Variants in OPHN1 observed in about 807,000 individuals in gnomAD.
OPHN1 encodes the protein oligophrenin-1.
Under a neutral mutation model 60.7 loss-of-function variants are expected in OPHN1, and 11 were observed. The ratio of observed to expected loss-of-function variants is 0.18; its 90% confidence interval spans 0.11 to 0.30. The LOEUF (loss-of-function observed/expected upper bound fraction) is 0.30. Ranked by LOEUF, OPHN1 falls within the 10% of genes least tolerant of loss-of-function variation. The pLI, the probability that OPHN1 is intolerant of heterozygous loss-of-function variation, is 1.00. For synonymous variants in OPHN1, 226 were observed against 222.6 expected (o/e 1.02, Z -0.14); for missense variants, 449 against 611.0 (o/e 0.73, Z 2.80).
rs1298395117 is a variant in OPHN1, at chrX:68,265,580, A to T, written c.384+9158T>A. Among the ~76,000 whole-genome samples the T allele has an allele frequency of 5.4e-5, 6 of 111,560 alleles. No homozygotes were observed. The Admixed American group carries it at 5.7e-4, about 11-fold the overall frequency. ...AGATAAAACCACAAAGATGGGGAAA[A>T]AACAGAGAAGAAAAACTGGAAACTC... On this transcript the variant is annotated intron_variant, in intron 5 of 24. Transcript: ENST00000355520.
intron 2 of OPHN1, among the ~76,000 whole-genome samples, chrX:68,359,040 G>A (rs1437494614): frequency 7.1e-5 from 8 of 111,959 alleles, no homozygotes; most frequent in East Asian, 2.8e-4. Flanking sequence ...AAGAGCCAGT[G>A]TGGCTAGGAT....
intron 9 of OPHN1, among the ~76,000 whole-genome samples, chrX:68,208,862 T>A (rs1174498171): frequency 8.9e-6 from 1 of 111,824 alleles, no homozygotes. Context: ...TATACTATAA[T>A]ACACAGGACC....
chrX:68,106,015 TA>T (rs200836157), intron 18 of OPHN1, among the ~76,000 whole-genome samples: 9 of 100,335 alleles, frequency 9.0e-5, no homozygotes, highest in Admixed American at 4.4e-4. Context: ...CTCATTTTGG[TA>T]AAAAAAAATG....
chrX:68,064,640 C>A (rs2076906507), intron 20 of OPHN1, among the ~76,000 whole-genome samples: 1 of 111,965 alleles, frequency 8.9e-6, no homozygotes, highest in Non-Finnish European at 1.9e-5. Flanking sequence ...AAGGAAACCT[C>A]CAACTGTTCT....
chrX:68,059,598 C>T (rs1312638100), intron 21 of OPHN1, among the ~76,000 whole-genome samples: 1 of 112,191 alleles, frequency 8.9e-6, no homozygotes, highest in African/African-American at 3.2e-5. Context: ...TGGCCAGCAA[C>T]ACCCATTACT....
chrX:68,185,376 C>A (rs2077457762), intron 15 of OPHN1, among the ~76,000 whole-genome samples: 1 of 111,756 alleles, frequency 8.9e-6, no homozygotes, highest in African/African-American at 3.2e-5. Context: ...TACGTGTCAT[C>A]CACTATGCTG....
chrX:68,327,825 C>CTT (rs1230764935), intron 2 of OPHN1, among the ~76,000 whole-genome samples: 4 of 84,537 alleles, frequency 4.7e-5, no homozygotes, highest in East Asian at 3.3e-4. Flanking sequence ...AAATTTTAAA[C>CTT]TTTTTTTTTT....
At chrX:68,234,741 T>C (rs1468926581) in intron 5 of OPHN1, among the ~76,000 whole-genome samples, 153 bp from the exon 6 acceptor site, 1 of 112,217 alleles carries the variant, frequency 8.9e-6, no homozygotes, top group East Asian at 2.8e-4. Context: ...TAACTTTGTA[T>C]TGGTCTCAGC....
intron 3 of OPHN1, among the ~76,000 whole-genome samples, chrX:68,284,398 T>C (rs2147607203): frequency 9.1e-6 from 1 of 110,429 alleles, no homozygotes; most frequent in African/African-American, 3.3e-5. Context: ...CTCCCTTTCT[T>C]CTTCTGCCAC....
chrX:68,433,775 C>A (rs775400260), upstream of OPHN1: 10 of 296,284 alleles, frequency 3.4e-5, no homozygotes, highest in South Asian at 2.0e-3. Context: ...GACACTGCAG[C>A]GGGAAGAGGA....
chrX:68,195,417 A>G (rs759323510), intron 12 of OPHN1, among the ~76,000 whole-genome samples: 4 of 112,071 alleles, frequency 3.6e-5, no homozygotes, highest in Non-Finnish European at 5.6e-5. Flanking sequence ...AGAGACCAGA[A>G]AGAAGACTGT....
In OPHN1 at chrX:68,201,672, C is replaced by T. The variant is rs200276161; in HGVS notation, c.972G>A (p.Arg324=). Residue 324 remains arginine, a synonymous_variant, in exon 11 of 25, where the codon AGG becomes AGA. Coordinates refer to ENST00000355520, the MANE Select transcript of OPHN1 (RefSeq NM_002547.3). The part of the protein sequence containing the change: ...LDLTLKYCVR[R]KTESIDKRFC... ...ACCTCTTGTCGATAGACTCCGTCTT[C>T]CTTCTCACACAGTACTTCAGTGTTA... 1.8e-5 allele frequency: 22 copies of T among 1,208,533 alleles called. No homozygotes were observed. Among genetic ancestry groups the T allele is most frequent in the Middle Eastern group, 4.6e-4 (2 of 4,369 alleles).
intron 2 of OPHN1, among the ~76,000 whole-genome samples, chrX:68,369,438 A>C (rs949335645): frequency 9.0e-6 from 1 of 111,631 alleles, no homozygotes; most frequent in African/African-American, 3.3e-5. Context: ...ACAACAACAA[A>C]AAAATCACAA....
At chrX:68,343,403 T>C (rs983314676) in intron 2 of OPHN1, among the ~76,000 whole-genome samples, 2 of 109,145 alleles carry the variant, frequency 1.8e-5, no homozygotes, top group Non-Finnish European at 3.8e-5. Flanking sequence ...GCCAACATGG[T>C]GAAACACCGT....
At chrX:68,372,534 C>G (rs1288890723) in intron 2 of OPHN1, among the ~76,000 whole-genome samples, 2 of 111,515 alleles carry the variant, frequency 1.8e-5, no homozygotes, top group Non-Finnish European at 3.8e-5. Context: ...TGTCCTATCT[C>G]TCTCATTCTT....
intron 5 of OPHN1, among the ~76,000 whole-genome samples, chrX:68,269,036 T>C (rs1181532646): frequency 9.0e-6 from 1 of 111,440 alleles, no homozygotes; most frequent in Non-Finnish European, 1.9e-5. Flanking sequence ...ACAAGGGACA[T>C]GAAGGACCTC....
intron 15 of OPHN1, among the ~76,000 whole-genome samples, chrX:68,162,580 GA>G (rs2077339809): frequency 9.1e-6 from 1 of 109,899 alleles, no homozygotes; most frequent in African/African-American, 3.3e-5. Flanking sequence ...TAGGAGGGAA[GA>G]ATTGTCTCTC....
At chrX:68,430,333 A>G (rs1181966014) in intron 2 of OPHN1, among the ~76,000 whole-genome samples, 1 of 111,872 alleles carries the variant, frequency 8.9e-6, no homozygotes, top group East Asian at 2.8e-4. Flanking sequence ...TTGAATGGAA[A>G]GAAATGGAGA....
At chrX:68,323,801 G>A (rs1272340522) in intron 2 of OPHN1, among the ~76,000 whole-genome samples, 1 of 111,844 alleles carries the variant, frequency 8.9e-6, no homozygotes, top group Non-Finnish European at 1.9e-5. Flanking sequence ...GATTACGTAT[G>A]GTTTAAGACT....
Sources: gnomAD v4.1 joint callset for allele counts (sites outside exome capture counted in the v4.1 genomes callset) on GRCh38, gnomAD v4.1.1 for gene constraint, MANE v1.5 for transcripts, NCBI Gene and HGNC (gene_info 2026-07-23, HGNC 2026-07-21) for gene names.